Variants in ERICH3 observed in about 807,000 individuals in gnomAD.
ERICH3 encodes the protein glutamate-rich protein 3.
ERICH3 carries 126 observed loss-of-function variants against 131.1 expected under a neutral mutation model. The observed-to-expected ratio is 0.96, with a 90% CI of 0.83 to 1.11. The LOEUF is 1.11. Among genes scored for constraint, ERICH3 ranks in the 50% most tolerant of loss-of-function variants. The pLI is 0.00. For synonymous variants in ERICH3, 695 were observed against 644.6 expected (o/e 1.08, Z -1.18); for missense variants, 2,050 against 1,810.7 (o/e 1.13, Z -2.40).
intron 11 of ERICH3, among the ~76,000 whole-genome samples, chr1:74,593,280 T>C (rs1257047127): frequency 6.6e-6 from 1 of 152,142 alleles, no homozygotes; most frequent in Non-Finnish European, 1.5e-5. Flanking sequence ...TCTTTCTTTC[T>C]TTTTTGGCAT....
rs1182508524 is a variant in ERICH3, at chr1:74,620,954, T to C, written c.820-40A>G. ...AAAATGAGGCTTATTAACGAATTAC[T>C]TTCTAATGAGAGTTCTTACCTGACA... On this transcript the variant is annotated intron_variant, in intron 7 of 14. Transcript: ENST00000326665. 3 of 1,438,530 alleles carry C rather than the reference T, an allele frequency of 2.1e-6. No individual in the cohort carries two copies. In the East Asian group the frequency reaches 7.4e-5, roughly 36 times the overall value. 89.1% of individuals were successfully genotyped at this position (1,438,530 alleles called of 1,614,324 possible). A position where few individuals can be genotyped will look rare whatever the true frequency, so the allele number is the denominator to read the frequency against.
chr1:74,668,993 T>G (rs1646717393), intron 1 of ERICH3, among the ~76,000 whole-genome samples: 1 of 152,158 alleles, frequency 6.6e-6, no homozygotes, highest in Non-Finnish European at 1.5e-5. Flanking sequence ...AAGAAACGTA[T>G]GCTACTTAAG....
At chr1:74,575,453 G>A (rs1647032926) in intron 13 of ERICH3, among the ~76,000 whole-genome samples, 1 of 152,116 alleles carries the variant, frequency 6.6e-6, no homozygotes. Flanking sequence ...GCAAAATGTA[G>A]AATCAAATAT....
intron 1 of ERICH3, among the ~76,000 whole-genome samples, chr1:74,658,454 G>T (rs147185399): frequency 6.6e-6 from 1 of 152,068 alleles, no homozygotes; most frequent in African/African-American, 2.4e-5. Context: ...ACCTATCAGA[G>T]AACTCTGTAG....
chr1:74,665,836 C>T (rs1465688293), intron 1 of ERICH3, among the ~76,000 whole-genome samples: 1 of 152,056 alleles, frequency 6.6e-6, no homozygotes, highest in African/African-American at 2.4e-5. Context: ...AGGACTTCAA[C>T]ATATAAATTA....
Position 74,612,607 on chromosome 1 carries a change from A to T in ERICH3, c.1187+16T>A. The T allele has an allele frequency of 6.5e-7, 1 of 1,531,242 alleles. No individual in the cohort carries two copies. The highest frequency in any genetic ancestry group is 8.9e-7 in the Non-Finnish European group (1 of 1,124,712). 94.9% of individuals were successfully genotyped at this position (1,531,242 alleles called of 1,614,324 possible). The stretch of plus-strand genomic sequence containing the variant: ...AGCAAAACTTGCCCTCTACCAAAGG[A>T]CATTTGTTTCCATACTTGTAGCAAG... On this transcript the variant is annotated intron_variant, in intron 9 of 14. Coordinates refer to ENST00000326665, the MANE Select transcript of ERICH3 (RefSeq NM_001002912.5).
intron 12 of ERICH3, among the ~76,000 whole-genome samples, chr1:74,586,709 G>A (rs1481689612): frequency 2.0e-5 from 3 of 151,816 alleles, no homozygotes; most frequent in Non-Finnish European, 4.4e-5. Context: ...CAACAATAAG[G>A]AAATGGCTAA....
At position 74,620,743 on chromosome 1, in the gene ERICH3, G is replaced by A; in HGVS notation, c.991C>T (p.Leu331Phe). The change falls in exon 8 of 15, where the codon CTT (leucine) becomes TTT (phenylalanine). Residue 331 changes from leucine to phenylalanine, a missense_variant. Transcript: ENST00000326665. ...CACATTTTATGTGTACCTTTTTCAA[G>A]TAGTTTGCCTTTGTAGACACAAAGG... ...ENLCVYKGKLLEKETFQFISK... is the reference protein window; with the variant it reads ...ENLCVYKGKLFEKETFQFISK... 1 of 1,600,858 alleles carries A rather than the reference G, an allele frequency of 6.2e-7. No homozygotes were observed. The highest frequency in any genetic ancestry group is 1.1e-5 in the South Asian group (1 of 88,218).
At chr1:74,628,475 T>C (rs1422842766) in intron 7 of ERICH3, among the ~76,000 whole-genome samples, 1 of 152,232 alleles carries the variant, frequency 6.6e-6, no homozygotes, top group Non-Finnish European at 1.5e-5. Flanking sequence ...AATAACATTT[T>C]CTTTTCTCTA....
In ERICH3 at chr1:74,571,289, AATT is replaced by A; in HGVS notation, c.4418_4420del (p.Lys1473_Phe1474delinsIle). 6.2e-7 allele frequency: 1 copy of A among 1,613,852 alleles called. No homozygotes were observed. The highest frequency in any genetic ancestry group is 8.5e-7 in the Non-Finnish European group (1 of 1,179,948). The stretch of plus-strand genomic sequence containing the variant: ...TCCCTCCCGTGATAATCCTAATCGG[AATT>A]TTTCAGCTGCTCCTGTCTCCTGCCT... On this transcript the variant is annotated inframe_deletion, in exon 14 of 15. Transcript: ENST00000326665.
At chr1:74,632,348 A>G (rs1340005439) in intron 6 of ERICH3, among the ~76,000 whole-genome samples, 1 of 152,232 alleles carries the variant, frequency 6.6e-6, no homozygotes, top group African/African-American at 2.4e-5. Flanking sequence ...GGGTTTGCAA[A>G]GCTGTAAACA....
At chr1:74,598,809 G>T (rs777755325) in intron 11 of ERICH3, among the ~76,000 whole-genome samples, 23 of 151,804 alleles carry the variant, frequency 1.5e-4, no homozygotes, top group Admixed American at 8.6e-4. Flanking sequence ...TCCTTGTTAG[G>T]AATGTGAATT....
intron 3 of ERICH3, among the ~76,000 whole-genome samples, chr1:74,644,371 GC>G (rs1306370742): frequency 6.6e-6 from 1 of 151,924 alleles, no homozygotes; most frequent in Non-Finnish European, 1.5e-5. Flanking sequence ...AACTACTTTT[GC>G]CAAGTCCACC....
intron 13 of ERICH3, 127 bp downstream of exon 13, chr1:74,576,765 ACTT>A: frequency 5.1e-6 from 4 of 786,320 alleles, no homozygotes; most frequent in Non-Finnish European, 8.1e-6. Context: ...AAATAAGCAC[ACTT>A]CTTAAAAGTC....
intron 9 of ERICH3, among the ~76,000 whole-genome samples, chr1:74,610,807 C>A (rs888609025): frequency 6.6e-6 from 1 of 152,058 alleles, no homozygotes; most frequent in African/African-American, 2.4e-5. Flanking sequence ...GCCATGATCA[C>A]CAGTAACCAA....
In ERICH3 at chr1:74,572,043, G is replaced by T. The variant is rs1194571545; in HGVS notation, c.3667C>A (p.Pro1223Thr). 1.2e-6 allele frequency: 2 copies of T among 1,614,038 alleles called. No homozygotes were observed. The highest frequency in any genetic ancestry group is 2.7e-5 in the African/African-American group (2 of 74,924). Residue 1223 changes from proline (P) to threonine (T), a missense_variant, in exon 14 of 15, where the codon CCA becomes ACA. Pro to Thr is a conservative substitution (Grantham distance 38, BLOSUM62 -1). Transcript: ENST00000326665. ...TCAGGGGCCTGCACCTTTCCTGCTG[G>T]CTCAGCTTCAGGAGCTGCTAAGGCC... ...EGALAAPEAE[P>T]AGKVQAPEGL...
chr1:74,576,306 A>G (rs1647052462), intron 13 of ERICH3, among the ~76,000 whole-genome samples: 1 of 152,244 alleles, frequency 6.6e-6, no homozygotes, highest in Admixed American at 6.5e-5. Flanking sequence ...AATTTGATCA[A>G]TAACAACCAG....
Position 74,571,958 on chromosome 1 carries a change from C to T in ERICH3, c.3752G>A (p.Cys1251Tyr), listed in dbSNP as rs1007227898. ...EELAAKDHDSCAGLEGRAEGQ... is the reference protein window; with the variant it reads ...EELAAKDHDSYAGLEGRAEGQ... Reference sequence around the variant, plus strand: ...TTCAGCTCTCCCCTCCAGTCCTGCGCAGGAGTCGTGATCTTTGGCTGCTAG... The same window carrying T: ...TTCAGCTCTCCCCTCCAGTCCTGCGTAGGAGTCGTGATCTTTGGCTGCTAG... The change falls in exon 14 of 15, where the codon TGC (cysteine) becomes TAC (tyrosine). Residue 1251 changes from cysteine (C) to tyrosine (Y), a missense_variant. Transcript: ENST00000326665. The T allele has an allele frequency of 1.9e-6, 3 of 1,613,846 alleles. No homozygotes were observed. In the African/African-American group the frequency reaches 4.0e-5, roughly 21 times the overall value.
In ERICH3 at chr1:74,610,827, A is replaced by C. The variant is rs370677783; in HGVS notation, c.1187+1796T>G. ...GATCACCAGTAACCAACACAGTACCAAATCAATGTCCAATCCTCAGTCTTC... is the reference window on the plus strand; with the variant it reads ...GATCACCAGTAACCAACACAGTACCCAATCAATGTCCAATCCTCAGTCTTC... On this transcript the variant is annotated intron_variant, in intron 9 of 14. Transcript: ENST00000326665. 1.9e-4 allele frequency among the ~76,000 whole-genome samples: 29 copies of C among 152,158 alleles called. No individual in the cohort carries two copies. The East Asian group carries it at 5.2e-3, about 27-fold the overall frequency.
Sources: allele counts gnomAD v4.1 joint callset (sites outside exome capture counted in the v4.1 genomes callset), GRCh38; gene constraint gnomAD v4.1.1; transcripts MANE v1.5; gene names NCBI Gene and HGNC (gene_info 2026-07-23, HGNC 2026-07-21).